BAHD1: variants seen among roughly 807,000 people sequenced by gnomAD.
BAHD1 encodes the protein bromo adjacent homology domain-containing 1 protein.
BAHD1 carries 20 observed loss-of-function variants against 63.1 expected under a neutral mutation model. The ratio of observed to expected loss-of-function variants is 0.32; its 90% CI spans 0.22 to 0.46. BAHD1 has a LOEUF of 0.46. Among genes scored for constraint, BAHD1 ranks in the 20% least tolerant of loss-of-function variants. BAHD1 has a pLI of 1.00. For missense variants in BAHD1, 939 were observed against 1,071.8 expected, an observed-to-expected ratio of 0.88 and a Z score of 1.73; for synonymous variants, 408 against 426.8, an observed-to-expected ratio of 0.96 and a Z score of 0.54.
intron 1 of BAHD1, among the ~76,000 whole-genome samples, chr15:40,444,026 G>T (rs1013169984): frequency 6.6e-6 from 1 of 152,116 alleles, no homozygotes; most frequent in Non-Finnish European, 1.5e-5. Context: ...TCATGACTCT[G>T]GATTTTCTAA....
At chr15:40,450,100 T>C (rs964764174) in intron 1 of BAHD1, among the ~76,000 whole-genome samples, 1 of 152,172 alleles carries the variant, frequency 6.6e-6, no homozygotes, top group African/African-American at 2.4e-5. Context: ...GTGGGTGGGA[T>C]TTACTGTTAA....
Position 40,458,372 on chromosome 15 carries a change from G to T in BAHD1, c.-14-79G>T, listed in dbSNP as rs554063788. The T allele has an allele frequency of 7.2e-5, 108 of 1,499,368 alleles. No individual in the cohort carries two copies. The highest frequency in any genetic ancestry group is 9.3e-5 in the Non-Finnish European group (105 of 1,125,474). 92.9% of individuals were successfully genotyped at this position (1,499,368 alleles called of 1,614,324 possible). On this transcript the variant is annotated intron_variant, in intron 1 of 6. Transcript: ENST00000416165. The surrounding 1 kb of genome is among the most constrained non-coding windows in gnomAD (Gnocchi z 4.7). ...GCCAGGATCACTGCACCTGGGGCTG[G>T]GTAGGCTGCAGTGGGAGAGAAAGCA...
chr15:40,446,696 T>C lies in BAHD1; in HGVS notation c.-15+5428T>C, dbSNP rs565144591. Among the ~76,000 whole-genome samples, 4 of 152,334 alleles carry C rather than the reference T, an allele frequency of 2.6e-5. No individual in the cohort carries two copies. The South Asian group carries it at 8.3e-4, about 32-fold the overall frequency. On this transcript the variant is annotated intron_variant, in intron 1 of 6. Coordinates refer to ENST00000416165, the MANE Select transcript of BAHD1 (RefSeq NM_014952.5). The stretch of plus-strand genomic sequence containing the variant: ...GGTGATTTCTTAGTCTTGTTACCAA[T>C]GTCAGGCAGGAACTTGGGTCTCAAT...
In BAHD1 at chr15:40,459,885, C is replaced by G. The variant is rs772239640; in HGVS notation, c.1421C>G (p.Pro474Arg). The G allele has an allele frequency of 6.9e-6, 11 of 1,584,638 alleles. No homozygotes were observed. The highest frequency in any genetic ancestry group is 9.5e-6 in the Non-Finnish European group (11 of 1,163,732). Reference protein sequence around the residue: ...TTCGGCPYKMPFAAEGCRSLG... With the variant: ...TTCGGCPYKMRFAAEGCRSLG... Reference sequence around the variant, plus strand: ...TGTGGCGGCTGCCCATACAAAATGCCTTTTGCAGCAGGTGAGGCTTCCTGG... The same window carrying G: ...TGTGGCGGCTGCCCATACAAAATGCGTTTTGCAGCAGGTGAGGCTTCCTGG... The change falls in exon 2 of 7, where the codon CCT becomes CGT. Residue 474 changes from proline (P) to arginine (R), a missense_variant. Coordinates refer to ENST00000416165, the MANE Select transcript of BAHD1 (RefSeq NM_014952.5).
At position 40,458,330 on chromosome 15, in the gene BAHD1, A is replaced by C. The variant is rs1893909007; in HGVS notation, c.-14-121A>C. 2.3e-6 allele frequency: 3 copies of C among 1,318,048 alleles called. No individual in the cohort carries two copies. In the Admixed American group the frequency reaches 7.8e-5, roughly 34 times the overall value. The allele number at this position is 1,318,048 out of a possible 1,614,324, so 81.6% of individuals were successfully genotyped here. A position where few individuals can be genotyped will look rare whatever the true frequency, so the allele number is the denominator to read the frequency against. Reference sequence around the variant, plus strand: ...GGAGTCCCAGGAAAATCCATACTGGAGACAGGGTAGTTGTAGGCCAGGATC... The same window carrying C: ...GGAGTCCCAGGAAAATCCATACTGGCGACAGGGTAGTTGTAGGCCAGGATC... On this transcript the variant is annotated intron_variant, in intron 1 of 6. Transcript: ENST00000416165. This position sits in a 1 kb window ranked among gnomAD's most constrained non-coding sequence, Gnocchi z 4.7.
At chr15:40,438,504 G>C (rs1893322136), upstream of BAHD1, among the ~76,000 whole-genome samples, 1 of 151,966 alleles carries the variant, frequency 6.6e-6, no homozygotes, top group Non-Finnish European at 1.5e-5. Context: ...GAGCCTCCTG[G>C]GGCAGCGGAC....
Position 40,466,397 on chromosome 15 carries a change from T to G in BAHD1, c.*267T>G. ...CCCCTGGGTGGAGATTTCCGAAAAG[T>G]AGTCTTCTCTGAGGCTGGGCCAAGC... On this transcript the variant is annotated 3_prime_UTR_variant, in exon 7 of 7. Transcript: ENST00000416165. 3.5e-6 allele frequency: 1 copy of G among 289,452 alleles called. No homozygotes were observed. Among genetic ancestry groups the G allele is most frequent in the Non-Finnish European group, 6.3e-6 (1 of 159,322 alleles). 17.9% of individuals were successfully genotyped at this position (289,452 alleles called of 1,614,324 possible).
chr15:40,441,381 C>T (rs1321017004), intron 1 of BAHD1, 113 bp downstream of exon 1: 1 of 150,340 alleles, frequency 6.7e-6, no homozygotes, highest in Admixed American at 6.6e-5. Flanking sequence ...CAGCGCGCCC[C>T]ACCGAGCGCG....
chr15:40,459,372 C>T lies in BAHD1; in HGVS notation c.908C>T (p.Ala303Val), dbSNP rs1414253185. Residue 303 changes from alanine (A) to valine (V), a missense_variant, in exon 2 of 7, where the codon GCT becomes GTT. Transcript: ENST00000416165. ...CCATCTCATCAGCCCCTGAGCAAGGCTCTGGAGAGCCCTTTGGGGCTGCGC... is the reference window on the plus strand; with the variant it reads ...CCATCTCATCAGCCCCTGAGCAAGGTTCTGGAGAGCCCTTTGGGGCTGCGC... ...VQPSHQPLSKALESPLGLRPH... is the reference protein window; with the variant it reads ...VQPSHQPLSKVLESPLGLRPH... The T allele has an allele frequency of 6.2e-7, 1 of 1,612,606 alleles. No homozygotes were observed. Among genetic ancestry groups the T allele is most frequent in the Non-Finnish European group, 8.5e-7 (1 of 1,179,756 alleles).
chr15:40,454,268 A>T (rs955463462), intron 1 of BAHD1: 2 of 152,472 alleles, frequency 1.3e-5, no homozygotes, highest in African/African-American at 4.8e-5. Flanking sequence ...TCAGCCCGGC[A>T]TGAAGCACCT....
intron 1 of BAHD1, among the ~76,000 whole-genome samples, chr15:40,448,979 A>G (rs555010564): frequency 6.6e-6 from 1 of 151,032 alleles, no homozygotes; most frequent in South Asian, 2.1e-4. Context: ...TAATTTTTGT[A>G]TTTTTAGTAG....
At chr15:40,464,827 T>A in intron 5 of BAHD1, 1 of 486,898 alleles carries the variant, frequency 2.1e-6, no homozygotes, top group South Asian at 2.5e-5. Context: ...AGTGGATGTG[T>A]TCCCCTGGAA....
intron 1 of BAHD1, chr15:40,453,427 A>G (rs940185560): frequency 3.9e-5 from 6 of 152,254 alleles, no homozygotes; most frequent in African/African-American, 1.4e-4. Context: ...CTCTGATAGA[A>G]GATTCAAGAA....
chr15:40,461,582 G>A (rs1037738231), intron 2 of BAHD1, among the ~76,000 whole-genome samples: 1 of 152,042 alleles, frequency 6.6e-6, no homozygotes, highest in Non-Finnish European at 1.5e-5. Flanking sequence ...GGAGGTTGCA[G>A]TGAGCCAAGA....
chr15:40,451,863 C>A (rs1285509186), intron 1 of BAHD1, among the ~76,000 whole-genome samples: 2 of 152,348 alleles, frequency 1.3e-5, no homozygotes, highest in Admixed American at 6.5e-5. Context: ...GGCACGTTGC[C>A]TAAAGTAGGG....
intron 5 of BAHD1, 66 bp downstream of exon 5, chr15:40,464,613 A>G (rs368814749): frequency 7.2e-7 from 1 of 1,393,398 alleles, no homozygotes; most frequent in Non-Finnish European, 1.0e-6. Context: ...TGGCACTAAG[A>G]CGTGGTAGGG....
chr15:40,449,831 A>G (rs78074139), intron 1 of BAHD1, among the ~76,000 whole-genome samples: 1 of 151,714 alleles, frequency 6.6e-6, no homozygotes, highest in Non-Finnish European at 1.5e-5. Context: ...AAAAAAAAAA[A>G]AGAAAATGAA....
intron 1 of BAHD1, among the ~76,000 whole-genome samples, chr15:40,449,673 G>C (rs1893646211): frequency 6.6e-6 from 1 of 152,046 alleles, no homozygotes; most frequent in East Asian, 1.9e-4. Flanking sequence ...GCCAGGCATG[G>C]TGGTGTAGGC....
chr15:40,465,890 C>G, intron 6 of BAHD1, 51 bp from the exon 7 acceptor site: 1 of 1,518,346 alleles, frequency 6.6e-7, no homozygotes. Flanking sequence ...AGGAATTGGT[C>G]TTCCTGCAAA....
Sources: gnomAD v4.1 joint callset for allele counts (sites outside exome capture counted in the v4.1 genomes callset) on GRCh38, gnomAD v4.1.1 for gene constraint, Gnocchi (gnomAD v3.1) non-coding constraint, MANE v1.5 for transcripts, NCBI Gene and HGNC (gene_info 2026-07-23, HGNC 2026-07-21) for gene names.